The following CRIP1 variants were observed in gnomAD, a reference collection of about 807,000 sequenced individuals.
CRIP1 encodes the protein cysteine rich protein 1, also known as cysteine-rich protein 1.
A neutral mutation model predicts 12.9 loss-of-function variants in CRIP1; 11 were observed. The ratio of observed to expected loss-of-function variants is 0.86; its 90% CI spans 0.54 to 1.42. The LOEUF is 1.42. CRIP1 is among the 40% of genes most tolerant of loss of function. The pLI is 0.00. For missense variants in CRIP1, 122 were observed against 101.3 expected (o/e 1.20, Z -0.88); for synonymous variants, 41 against 37.2 (o/e 1.10, Z -0.37).
In CRIP1 at chr14:105,486,977, G is replaced by A; in HGVS notation, c.-62+5G>A. 8.8e-7 allele frequency: 1 copy of A among 1,133,684 alleles called. No homozygotes were observed. Among genetic ancestry groups the A allele is most frequent in the Admixed American group, 9.3e-5 (1 of 10,808 alleles). The allele number at this position is 1,133,684 out of a possible 1,614,324, so 70.2% of individuals were successfully genotyped here. ...CTAAAGAGCTGCGCCCTCTCAGTAA[G>A]TCCCCATGGCCCCCTGCCCCCCCGC... is the stretch of plus-strand genomic sequence containing the variant. On this transcript the variant is annotated splice_donor_5th_base_variant and intron_variant, in intron 1 of 5. Coordinates refer to ENST00000392531, the MANE Select transcript of CRIP1 (RefSeq NM_001311.5).
chr14:105,488,345 C>G lies in CRIP1; in HGVS notation c.150C>G (p.Pro50=), dbSNP rs1128308. The change falls in exon 4 of 6, where the codon CCC becomes CCG. Residue 50 remains proline, a synonymous_variant. Transcript: ENST00000392531. ...TCTCTTTGCAGCACGAAGGCAAACC[C>G]TACTGCAACCACCCCTGCTACGCAG... ...SGGHAEHEGK[P]YCNHPCYAAM... The G allele has an allele frequency of 0.043, 70,093 of 1,613,204 alleles. 10,431 individuals carry two copies. In the African/African-American group the frequency reaches 0.5, roughly 12 times the overall value.
At position 105,488,407 on chromosome 14, in the gene CRIP1, C is replaced by CCCCCCCCCCCCCCCCCCA; in HGVS notation, c.193+19_193+20insCCCCCCCCCCCCCCCCCA. 1 of 1,567,526 alleles carries CCCCCCCCCCCCCCCCCCA rather than the reference C, an allele frequency of 6.4e-7. No individual in the cohort carries two copies. On this transcript the variant is annotated intron_variant, in intron 4 of 5. Transcript: ENST00000392531. The stretch of plus-strand genomic sequence containing the variant: ...CCTAAAGGTATGCTCCCGTCATCCC[C>CCCCCCCCCCCCCCCCCCA]ACCCCACCCCACCCCACAGCCTCCT...
chr14:105,488,569 G>A (rs2084151587), intron 5 of CRIP1, 53 bp downstream of exon 5: 1 of 1,543,544 alleles, frequency 6.5e-7, no homozygotes, highest in Non-Finnish European at 8.8e-7. Flanking sequence ...CTCGGGATGG[G>A]GATGCCCCCT....
Position 105,488,176 on chromosome 14 carries a change from G to A in CRIP1, c.51G>A (p.Val17=). 6.2e-7 allele frequency: 1 copy of A among 1,612,692 alleles called. No individual in the cohort carries two copies. The highest frequency in any genetic ancestry group is 8.5e-7 in the Non-Finnish European group (1 of 1,179,966). The change falls in exon 3 of 6, where the codon GTG becomes GTA. Residue 17 remains valine, a synonymous_variant. Coordinates refer to ENST00000392531, the MANE Select transcript of CRIP1 (RefSeq NM_001311.5). The stretch of plus-strand genomic sequence containing the variant: ...TCTGTGCCTCTGCAGCCGAGAGGGT[G>A]ACCTCTCTGGGCAAGGACTGGCATC... ...CNKEVYFAER[V]TSLGKDWHRP...
chr14:105,488,576 C>T, intron 5 of CRIP1, 60 bp downstream of exon 5: 1 of 1,533,830 alleles, frequency 6.5e-7, no homozygotes, highest in Non-Finnish European at 8.8e-7. Context: ...TGGGGATGCC[C>T]CCTCCCAGGG....
At chr14:105,487,947 C>T in intron 2 of CRIP1, 1 of 566,664 alleles carries the variant, frequency 1.8e-6, no homozygotes, top group Non-Finnish European at 3.2e-6. Flanking sequence ...CCCCGGGGAC[C>T]AGCGACCCCG....
In CRIP1 at chr14:105,487,167, T is replaced by C; in HGVS notation, c.-61-32T>C. 5 of 1,500,520 alleles carry C rather than the reference T, an allele frequency of 3.3e-6. No homozygotes were observed. In the South Asian group the frequency reaches 5.1e-5, roughly 15 times the overall value. The allele number at this position is 1,500,520 out of a possible 1,614,324, so 93.0% of individuals were successfully genotyped here. On this transcript the variant is annotated intron_variant, in intron 1 of 5. Coordinates refer to ENST00000392531, the MANE Select transcript of CRIP1 (RefSeq NM_001311.5). ...CCAAGGGGCGGGGTCCCGGGGTCCC[T>C]GAAAGGCGCGGACCAGGCCGGATCC...
chr14:105,487,632 G>A (rs1335053071), intron 2 of CRIP1: 2 of 284,260 alleles, frequency 7.0e-6, no homozygotes, highest in East Asian at 6.2e-5. Context: ...CGGGGCTGGG[G>A]CCGCGCCCCC....
intron 2 of CRIP1, 51 bp downstream of exon 2, chr14:105,487,350 G>A (rs1029973904): frequency 2.7e-6 from 4 of 1,499,768 alleles, no homozygotes; most frequent in Middle Eastern, 2.2e-4. Flanking sequence ...ACGGGGCGAC[G>A]AGGCTGGGGA....
chr14:105,488,610 A>G, intron 5 of CRIP1, 53 bp from the exon 6 acceptor site: 1 of 1,318,310 alleles, frequency 7.6e-7, no homozygotes, highest in Non-Finnish European at 1.1e-6. Flanking sequence ...CGTGGGCCCC[A>G]AAGGAGGCCG....
At position 105,487,290 on chromosome 14, in the gene CRIP1, G is replaced by T. The variant is rs2084130247; in HGVS notation, c.31G>T (p.Val11Leu). The T allele has an allele frequency of 6.5e-7, 1 of 1,543,502 alleles. No homozygotes were observed. The highest frequency in any genetic ancestry group is 1.2e-5 in the South Asian group (1 of 83,302). MPKCPKCNKE[V>L]YFAERVTSLG... ...CAAGTGTCCCAAGTGCAACAAGGAG[G>T]TGTACTTCGGTGAGCGCGCCCACAC... The change falls in exon 2 of 6, where the codon GTG becomes TTG. Residue 11 changes from valine (V) to leucine (L), a missense_variant. Coordinates refer to ENST00000392531, the MANE Select transcript of CRIP1 (RefSeq NM_001311.5).
chr14:105,488,699 A>G lies in CRIP1; in HGVS notation c.*42A>G. ...CCCATCCTTGGCTGCTTGCAGGGCC[A>G]CTGTCCAGGCAAATGCCAGGCCTTG... is the stretch of plus-strand genomic sequence containing the variant. On this transcript the variant is annotated 3_prime_UTR_variant, in exon 6 of 6. Transcript: ENST00000392531. The G allele has an allele frequency of 3.0e-6, 2 of 658,138 alleles. No individual in the cohort carries two copies. Among genetic ancestry groups the G allele is most frequent in the South Asian group, 3.9e-5 (2 of 51,512 alleles). The allele number at this position is 658,138 out of a possible 1,614,324, so 40.8% of individuals were successfully genotyped here. A position where few individuals can be genotyped will look rare whatever the true frequency, so the allele number is the denominator to read the frequency against.
In CRIP1 at chr14:105,487,424, C is replaced by G; in HGVS notation, c.40+125C>G. The G allele has an allele frequency of 3.8e-6, 3 of 779,700 alleles. No homozygotes were observed. In the African/African-American group the frequency reaches 5.6e-5, roughly 14 times the overall value. The allele number at this position is 779,700 out of a possible 1,614,324, so 48.3% of individuals were successfully genotyped here. A position where few individuals can be genotyped will look rare whatever the true frequency, so the allele number is the denominator to read the frequency against. On this transcript the variant is annotated intron_variant, in intron 2 of 5. Coordinates refer to ENST00000392531, the MANE Select transcript of CRIP1 (RefSeq NM_001311.5). ...GCGCCCCAGCCTGAAAACGCCTCAGCCTGGCCCGCCGCCTGCCCCGGGATG... is the reference window on the plus strand; with the variant it reads ...GCGCCCCAGCCTGAAAACGCCTCAGGCTGGCCCGCCGCCTGCCCCGGGATG...
At chr14:105,487,911 A>G (rs2084137105) in intron 2 of CRIP1, 2 of 528,118 alleles carry the variant, frequency 3.8e-6, no homozygotes, top group East Asian at 6.4e-5. Flanking sequence ...CTTCAGGAGC[A>G]AGATTCCCGG....
At chr14:105,487,865 C>T (rs1595464225) in intron 2 of CRIP1, 1 of 447,864 alleles carries the variant, frequency 2.2e-6, no homozygotes, top group Admixed American at 3.6e-5. Context: ...AGCCGCGACC[C>T]CTGACCCTCG....
In CRIP1 at chr14:105,488,424, C is replaced by T. The variant is rs781873741; in HGVS notation, c.193+36C>T. 9 of 1,584,816 alleles carry T rather than the reference C, an allele frequency of 5.7e-6. No individual in the cohort carries two copies. In the East Asian group the frequency reaches 1.6e-4, roughly 28 times the overall value. On this transcript the variant is annotated intron_variant, in intron 4 of 5. Transcript: ENST00000392531. ...GTCATCCCCACCCCACCCCACCCCACAGCCTCCTCCACCCCAGCCTGTTGA... is the reference window on the plus strand; with the variant it reads ...GTCATCCCCACCCCACCCCACCCCATAGCCTCCTCCACCCCAGCCTGTTGA...
At chr14:105,488,046 C>A (rs1555438392) in intron 2 of CRIP1, 120 bp from the exon 3 acceptor site, 1 of 1,005,516 alleles carries the variant, frequency 9.9e-7, no homozygotes. Context: ...CCAGGCTGGG[C>A]GGATGCGGGC....
At position 105,487,956 on chromosome 14, in the gene CRIP1, C is replaced by T. The variant is rs587697002; in HGVS notation, c.41-210C>T. ...AAAGTGCCCCGGGGACCAGCGACCC[C>T]GCGCTTTGTTTAGTTGTATTGGCTC... On this transcript the variant is annotated intron_variant, in intron 2 of 5. Coordinates refer to ENST00000392531, the MANE Select transcript of CRIP1 (RefSeq NM_001311.5). The T allele has an allele frequency of 8.0e-5, 46 of 575,142 alleles. No homozygotes were observed. In the South Asian group the frequency reaches 9.7e-4, roughly 12 times the overall value. The allele number at this position is 575,142 out of a possible 1,614,324, so 35.6% of individuals were successfully genotyped here. A position where few individuals can be genotyped will look rare whatever the true frequency, so the allele number is the denominator to read the frequency against.
Position 105,488,910 on chromosome 14 carries a change from C to T in CRIP1, c.*253C>T, listed in dbSNP as rs782795547. 1.2e-5 allele frequency: 3 copies of T among 240,070 alleles called. No individual in the cohort carries two copies. Among genetic ancestry groups the T allele is most frequent in the African/African-American group, 2.2e-5 (1 of 44,738 alleles). 14.9% of individuals were successfully genotyped at this position (240,070 alleles called of 1,614,324 possible). ...CTGCCCATTGCCCTCCCCAGGGGGC[C>T]GTTCCAGGGTCTCATAGGCGAGGGC... On this transcript the variant is annotated 3_prime_UTR_variant, in exon 6 of 6. Coordinates refer to ENST00000392531, the MANE Select transcript of CRIP1 (RefSeq NM_001311.5).
Sources: allele counts gnomAD v4.1 joint callset, GRCh38; gene constraint gnomAD v4.1.1; transcripts MANE v1.5; gene names NCBI Gene and HGNC (gene_info 2026-07-23, HGNC 2026-07-21).